Variants in PRKRIP1 observed in about 807,000 individuals in gnomAD.
PRKRIP1 encodes the protein PRKR interacting protein 1, also known as PRKR-interacting protein 1.
Under a neutral mutation model 29.3 loss-of-function variants are expected in PRKRIP1, and 29 were observed. That is an observed-to-expected ratio of 0.99 (90% CI 0.74 to 1.35). The LOEUF (loss-of-function observed/expected upper bound fraction) is 1.35. PRKRIP1 is among the 40% of genes most tolerant of loss of function. PRKRIP1 has a pLI of 0.00. For synonymous variants in PRKRIP1, 90 were observed against 85.1 expected (o/e 1.06, Z -0.32); for missense variants, 247 against 236.8 (o/e 1.04, Z -0.28).
At chr7:102,397,507 C>G in intron 1 of PRKRIP1, 113 bp from the exon 2 acceptor site, 1 of 810,022 alleles carries the variant, frequency 1.2e-6, no homozygotes, top group East Asian at 2.6e-5. Context: ...GATTGCACCA[C>G]TGCACTCCAG....
At chr7:102,399,130 G>T (rs1477851465) in intron 2 of PRKRIP1, among the ~76,000 whole-genome samples, 1 of 152,040 alleles carries the variant, frequency 6.6e-6, no homozygotes, top group South Asian at 2.1e-4. Flanking sequence ...TCAAAAAAAA[G>T]AAAAAAGCTG....
intron 5 of PRKRIP1, among the ~76,000 whole-genome samples, chr7:102,411,748 C>T (rs1227436199): frequency 2.0e-5 from 3 of 151,622 alleles, no homozygotes; most frequent in Non-Finnish European, 4.4e-5. Context: ...ACCATTTTAA[C>T]GCCCACCAGT....
chr7:102,402,875 C>G (rs1048923105), intron 3 of PRKRIP1, among the ~76,000 whole-genome samples: 2 of 151,672 alleles, frequency 1.3e-5, no homozygotes, highest in Non-Finnish European at 2.9e-5. Context: ...GTAAGACATT[C>G]ACGGCTCAGC....
In PRKRIP1 at chr7:102,404,587, T is replaced by G; in HGVS notation, c.307-11T>G. ...CCAGAGCGTGTCTAAATGATGTGGG[T>G]TTTGTTGCAGCAAAAATTGGATGCA... On this transcript the variant is annotated splice_polypyrimidine_tract_variant and intron_variant, in intron 3 of 5. Coordinates refer to ENST00000397912, the MANE Select transcript of PRKRIP1 (RefSeq NM_024653.4). 2.5e-6 allele frequency: 4 copies of G among 1,611,726 alleles called. No homozygotes were observed. Among genetic ancestry groups the G allele is most frequent in the Non-Finnish European group, 3.4e-6 (4 of 1,178,270 alleles).
intron 2 of PRKRIP1, among the ~76,000 whole-genome samples, chr7:102,399,143 GA>G (rs781954501): frequency 3.3e-5 from 5 of 152,042 alleles, no homozygotes; most frequent in Non-Finnish European, 7.4e-5. Context: ...AAAAGCTGAA[GA>G]AAAAACACTT....
In PRKRIP1 at chr7:102,396,439, C is replaced by G. The variant is rs782588012; in HGVS notation, c.28C>G (p.Arg10Gly). ...GGCTAGCCCAGCCGCCTCCTCGGTG[C>G]GACCACCGAGGCCCAAGAAAGAGCC... Reference protein sequence around the residue: MASPAASSVRPPRPKKEPQT... With the variant: MASPAASSVGPPRPKKEPQT... Residue 10 changes from arginine (R) to glycine (G), a missense_variant, in exon 1 of 6, where the codon CGA (arginine) becomes GGA (glycine). Physicochemically the swap from Arg to Gly is moderately radical, Grantham distance 125. Around this residue, in one of 3 missense-constraint regions of PRKRIP1, gnomAD observed 105 missense variants for 80.2 expected, o/e 1.31. Coordinates refer to ENST00000397912, the MANE Select transcript of PRKRIP1 (RefSeq NM_024653.4). The G allele has an allele frequency of 4.4e-6, 7 of 1,590,324 alleles. No homozygotes were observed. Among genetic ancestry groups the G allele is most frequent in the Non-Finnish European group, 6.0e-6 (7 of 1,172,256 alleles).
chr7:102,397,571 T>G (rs782030955), intron 1 of PRKRIP1, 49 bp from the exon 2 acceptor site: 1 of 1,464,574 alleles, frequency 6.8e-7, no homozygotes, highest in East Asian at 2.3e-5. Flanking sequence ...AGATATATAA[T>G]TTTGTCAACA....
chr7:102,423,801 T>C (rs565411884), intron 5 of PRKRIP1, among the ~76,000 whole-genome samples: 4 of 152,120 alleles, frequency 2.6e-5, no homozygotes, highest in African/African-American at 9.6e-5. Context: ...CTCAGCCTCA[T>C]GAGTAGCGAG....
intron 3 of PRKRIP1, among the ~76,000 whole-genome samples, chr7:102,402,769 C>A (rs782598762): frequency 6.6e-6 from 1 of 152,136 alleles, no homozygotes; most frequent in Non-Finnish European, 1.5e-5. Context: ...GTCCCACTCA[C>A]CCCTGCTTGA....
chr7:102,406,900 G>A (rs1334614708), intron 4 of PRKRIP1, among the ~76,000 whole-genome samples: 1 of 150,772 alleles, frequency 6.6e-6, no homozygotes, highest in Non-Finnish European at 1.5e-5. Context: ...TTAAAATGAT[G>A]TATAACATAA....
chr7:102,412,300 A>G (rs1407390805), intron 5 of PRKRIP1, among the ~76,000 whole-genome samples: 4 of 152,176 alleles, frequency 2.6e-5, no homozygotes, highest in Non-Finnish European at 5.9e-5. Context: ...CACATCTGTA[A>G]TCCTAACATT....
intron 1 of PRKRIP1, 50 bp from the exon 2 acceptor site, chr7:102,397,570 A>G: frequency 6.9e-7 from 1 of 1,455,938 alleles, no homozygotes; most frequent in Non-Finnish European, 9.6e-7. Context: ...GAGATATATA[A>G]TTTTGTCAAC....
At chr7:102,399,669 G>T in intron 3 of PRKRIP1, 21 bp downstream of exon 3, 1 of 1,568,072 alleles carries the variant, frequency 6.4e-7, no homozygotes, top group Non-Finnish European at 8.8e-7. Flanking sequence ...CAGAAGGCTG[G>T]CTGAGCCCCC....
chr7:102,420,879 ACCCT>A (rs1437228937), intron 5 of PRKRIP1, among the ~76,000 whole-genome samples: 2 of 151,954 alleles, frequency 1.3e-5, no homozygotes, highest in East Asian at 3.9e-4. Context: ...GGGACAGAAG[ACCCT>A]CCCAGCCTCC....
chr7:102,404,793 A>C, intron 4 of PRKRIP1, 110 bp downstream of exon 4: 1 of 696,610 alleles, frequency 1.4e-6, no homozygotes, highest in Non-Finnish European at 2.4e-6. Context: ...AGGGGTCATG[A>C]ATGTAGAGCA....
At chr7:102,398,673 C>T (rs150310432) in intron 2 of PRKRIP1, among the ~76,000 whole-genome samples, 67 of 152,264 alleles carry the variant, frequency 4.4e-4, no homozygotes, top group African/African-American at 1.6e-3. Context: ...ATTAACATAT[C>T]TACAGGCTTA....
At chr7:102,404,077 G>A (rs1004382518) in intron 3 of PRKRIP1, among the ~76,000 whole-genome samples, 4 of 152,174 alleles carry the variant, frequency 2.6e-5, no homozygotes, top group Non-Finnish European at 5.9e-5. Flanking sequence ...GAGACAGGAC[G>A]ATCTATCAAG....
chr7:102,407,309 T>C, intron 4 of PRKRIP1, 125 bp from the exon 5 acceptor site: 1 of 618,280 alleles, frequency 1.6e-6, no homozygotes, highest in Non-Finnish European at 2.9e-6. Context: ...AATATTTTTC[T>C]TATTTTGTTA....
At chr7:102,403,380 A>G (rs1796124104) in intron 3 of PRKRIP1, among the ~76,000 whole-genome samples, 1 of 152,176 alleles carries the variant, frequency 6.6e-6, no homozygotes, top group Admixed American at 6.6e-5. Flanking sequence ...AGAGGTGTTG[A>G]AGGCACCTCT....
Sources: gnomAD v4.1 joint callset for allele counts (sites outside exome capture counted in the v4.1 genomes callset) on GRCh38, gnomAD v4.1.1 for gene constraint, gnomAD v4.1.1 regional missense constraint, MANE v1.5 for transcripts, NCBI Gene and HGNC (gene_info 2026-07-23, HGNC 2026-07-21) for gene names.